The following TRAPPC9 variants were observed in gnomAD, a reference collection of about 807,000 sequenced individuals.
TRAPPC9 encodes IKK2 binding protein.
In TRAPPC9, 83 loss-of-function variants were observed where a neutral mutation model predicts 124.0. That is an observed-to-expected ratio of 0.67 (90% CI 0.56 to 0.80). TRAPPC9 has a LOEUF of 0.80. Ranked by LOEUF, TRAPPC9 falls within the 30% of genes least tolerant of loss-of-function variation. The pLI is 0.00. For synonymous variants in TRAPPC9, 638 were observed against 617.5 expected (o/e 1.03, Z -0.49); for missense variants, 1,302 against 1,508.3 (o/e 0.86, Z 2.27).
At chr8:139,910,120 G>C (rs778791325) in intron 20 of TRAPPC9, 27 bp downstream of exon 20, 4 of 1,613,672 alleles carry the variant, frequency 2.5e-6, no homozygotes, top group Non-Finnish European at 3.4e-6. Flanking sequence ...GTGCCCCCAG[G>C]CCCAGGTGGC....
chr8:140,058,081 A>C (rs925928559), intron 17 of TRAPPC9, among the ~76,000 whole-genome samples: 4 of 152,142 alleles, frequency 2.6e-5, no homozygotes, highest in African/African-American at 9.7e-5. Context: ...GGGCACGTCT[A>C]CTCTGGACTT....
intron 17 of TRAPPC9, among the ~76,000 whole-genome samples, chr8:140,037,087 G>A (rs1169248423): frequency 1.3e-5 from 2 of 151,420 alleles, no homozygotes. Context: ...CACTTGTCAT[G>A]TGATGTATTT....
intron 21 of TRAPPC9, among the ~76,000 whole-genome samples, chr8:139,793,197 C>A (rs1308739609): frequency 3.3e-5 from 5 of 152,140 alleles, no homozygotes; most frequent in African/African-American, 4.8e-5. Context: ...CAGGACTAAA[C>A]CAGGGGACTC....
At chr8:140,380,654 CAAAAAAAAAAA>C (rs563391017) in intron 7 of TRAPPC9, among the ~76,000 whole-genome samples, 3 of 48,590 alleles carry the variant, frequency 6.2e-5, no homozygotes, top group South Asian at 9.0e-4. Context: ...GACTCTGTCT[CAAAAAAAAAAA>C]AAAAAAAAAA....
At chr8:139,953,244 C>T (rs563755556) in intron 19 of TRAPPC9, among the ~76,000 whole-genome samples, 1 of 152,342 alleles carries the variant, frequency 6.6e-6, no homozygotes, top group Admixed American at 6.5e-5. Flanking sequence ...GTAATCCCAG[C>T]ACTTTGGGAG....
At chr8:140,357,025 C>T (rs1455057767) in intron 9 of TRAPPC9, among the ~76,000 whole-genome samples, 1 of 152,210 alleles carries the variant, frequency 6.6e-6, no homozygotes, top group Non-Finnish European at 1.5e-5. Context: ...CAGCCATGCA[C>T]TTGGCATCTA....
chr8:139,796,146 GAGGAGGAGGAAGAGGAGGAGGAGGAGGA>G (rs1222691882), intron 21 of TRAPPC9, among the ~76,000 whole-genome samples: 1 of 150,072 alleles, frequency 6.7e-6, no homozygotes, highest in Non-Finnish European at 1.5e-5. Context: ...GGAGGAGGAA[GAGGAGGAGGAAGAGGAGGAGGAGGAGGA>G]GAAGGATGAG....
At chr8:139,943,888 G>GA (rs929766364) in intron 19 of TRAPPC9, among the ~76,000 whole-genome samples, 5 of 151,838 alleles carry the variant, frequency 3.3e-5, no homozygotes, top group African/African-American at 4.8e-5. Context: ...GAGCAGCTAG[G>GA]AAAAAAACAA....
chr8:140,174,114 A>AT (rs80214661), intron 17 of TRAPPC9, among the ~76,000 whole-genome samples: 17 of 151,838 alleles, frequency 1.1e-4, no homozygotes, highest in South Asian at 8.4e-4. Context: ...AGCTTTGAGG[A>AT]TTTTTTTTTA....
chr8:140,031,941 G>A (rs917779545), intron 17 of TRAPPC9, among the ~76,000 whole-genome samples: 1 of 152,224 alleles, frequency 6.6e-6, no homozygotes. Flanking sequence ...AGGATACTAA[G>A]GAGAGCATCA....
intron 5 of TRAPPC9, among the ~76,000 whole-genome samples, chr8:140,409,516 T>C (rs750242093): frequency 6.6e-6 from 1 of 152,214 alleles, no homozygotes; most frequent in African/African-American, 2.4e-5. Flanking sequence ...GATTTGCTGA[T>C]ATATTATCTG....
At chr8:140,077,831 A>G (rs764725474) in intron 17 of TRAPPC9, among the ~76,000 whole-genome samples, 3 of 152,212 alleles carry the variant, frequency 2.0e-5, no homozygotes, top group Non-Finnish European at 2.9e-5. Flanking sequence ...GCAGGACCGC[A>G]GGGCCAGAAC....
chr8:140,096,795 G>A (rs949266214), intron 17 of TRAPPC9: 1 of 152,240 alleles, frequency 6.6e-6, no homozygotes, highest in Admixed American at 6.5e-5. Context: ...AGCTGCCCTC[G>A]TCTGATACTG....
At chr8:140,249,716 A>G (rs894117357) in intron 16 of TRAPPC9, among the ~76,000 whole-genome samples, 8 of 141,734 alleles carry the variant, frequency 5.6e-5, no homozygotes, top group South Asian at 2.2e-4. Context: ...CCATTCTCCC[A>G]CCTCAGCCTC....
intron 15 of TRAPPC9, among the ~76,000 whole-genome samples, chr8:140,254,271 G>A (rs56969966): frequency 0.049 from 7,457 of 152,306 alleles, 301 homozygotes; most frequent in African/African-American, 0.1. Context: ...CCTGGGCAGT[G>A]GGTGTCAGTT....
At chr8:140,382,898 G>A (rs1178698937) in intron 7 of TRAPPC9, among the ~76,000 whole-genome samples, 2 of 152,224 alleles carry the variant, frequency 1.3e-5, no homozygotes, top group African/African-American at 4.8e-5. Flanking sequence ...GCCTAACTTG[G>A]GGGGAGGCAC....
intron 2 of TRAPPC9, among the ~76,000 whole-genome samples, chr8:140,449,296 A>G (rs2071376838): frequency 6.6e-6 from 1 of 152,210 alleles, no homozygotes; most frequent in Non-Finnish European, 1.5e-5. Context: ...TCATCAGCCA[A>G]TCCTATACAG....
In TRAPPC9 at chr8:139,730,067, G is replaced by A. The variant is rs1210937872; in HGVS notation, c.*994C>T. On this transcript the variant is annotated 3_prime_UTR_variant, in exon 23 of 23. Coordinates refer to ENST00000438773, the MANE Select transcript of TRAPPC9 (RefSeq NM_001160372.4). ...GCTTTCTCTCTCCGGTCCTCCCTGA[G>A]GAACGCAGGGCCAGCTGCCCACTGT... Among the ~76,000 whole-genome samples, 1 of 152,148 alleles carries A rather than the reference G, an allele frequency of 6.6e-6. No homozygotes were observed. Among genetic ancestry groups the A allele is most frequent in the Non-Finnish European group, 1.5e-5 (1 of 68,022 alleles).
intron 9 of TRAPPC9, among the ~76,000 whole-genome samples, chr8:140,327,703 T>C (rs1406969085): frequency 6.6e-6 from 1 of 152,176 alleles, no homozygotes; most frequent in Non-Finnish European, 1.5e-5. Context: ...GTACCTAAAA[T>C]AGGCAAATTC....
Sources: gnomAD v4.1 joint callset for allele counts (sites outside exome capture counted in the v4.1 genomes callset) on GRCh38, gnomAD v4.1.1 for gene constraint, MANE v1.5 for transcripts, NCBI Gene and HGNC (gene_info 2026-07-23, HGNC 2026-07-21) for gene names.